The following ENTPD8 variants were observed in gnomAD, a reference collection of about 807,000 sequenced individuals.
ENTPD8 encodes the protein E-NTPDase 8.
Under a neutral mutation model 47.0 loss-of-function variants are expected in ENTPD8, and 35 were observed. That is an observed-to-expected ratio of 0.75 (90% CI 0.57 to 0.99). ENTPD8 has a LOEUF of 0.99. Among genes scored for constraint, ENTPD8 ranks in the 50% least tolerant of loss-of-function variants. The probability of loss-of-function intolerance (pLI) is 0.00; values close to 1 mark genes in which losing one functional copy is unlikely to be tolerated. For synonymous variants in ENTPD8, 308 were observed against 290.5 expected, an observed-to-expected ratio of 1.06 and a Z score of -0.61; for missense variants, 668 against 649.9, an observed-to-expected ratio of 1.03 and a Z score of -0.30.
rs1442846911 is a variant in ENTPD8, at chr9:137,434,955, C to A, written c.1447G>T (p.Val483Leu). The change falls in exon 10 of 10, where the codon GTG (valine) becomes TTG (leucine). Residue 483 changes from valine to leucine, a missense_variant. Coordinates refer to ENST00000371506, the MANE Select transcript of ENTPD8 (RefSeq NM_001033113.2). ...VFMVLALVAVVGAALVQLFWL... is the reference protein window; with the variant it reads ...VFMVLALVAVLGAALVQLFWL... ...AAGAGCTGGACCAAGGCAGCCCCCA[C>A]CACCGCCACCAGGGCCAGCACCATG... 6.2e-6 allele frequency: 10 copies of A among 1,612,580 alleles called. No homozygotes were observed. Among genetic ancestry groups the A allele is most frequent in the Non-Finnish European group, 8.5e-6 (10 of 1,179,756 alleles).
rs746607178 is a variant in ENTPD8, at chr9:137,435,869, A to G, written c.1051-40T>C. On this transcript the variant is annotated intron_variant, in intron 7 of 9. Transcript: ENST00000371506. ...AGGTGGCTGTGCCTTCGCTGTGGCC[A>G]CGCTGGGCCAGATCCACCCCACCCG... is the stretch of plus-strand genomic sequence containing the variant. 8 of 1,606,880 alleles carry G rather than the reference A, an allele frequency of 5.0e-6. No homozygotes were observed. In the Admixed American group the frequency reaches 1.3e-4, roughly 27 times the overall value.
rs771520069 is a variant in ENTPD8, at chr9:137,436,318, C to T, written c.787-42G>A. Reference sequence around the variant, plus strand: ...GGCCTGAGCACCAGCCGCACACCTGCGGCCCTGTGCCCCTCCCCGGGGCCG... The same window carrying T: ...GGCCTGAGCACCAGCCGCACACCTGTGGCCCTGTGCCCCTCCCCGGGGCCG... On this transcript the variant is annotated intron_variant, in intron 6 of 9. Transcript: ENST00000371506. 8.6e-6 allele frequency: 13 copies of T among 1,506,082 alleles called. No individual in the cohort carries two copies. In the African/African-American group the frequency reaches 1.4e-4, roughly 16 times the overall value. The allele number at this position is 1,506,082 out of a possible 1,614,324, so 93.3% of individuals were successfully genotyped here.
At position 137,436,220 on chromosome 9, in the gene ENTPD8, T is replaced by C. The variant is rs777501571; in HGVS notation, c.843A>G (p.Thr281=). 3.0e-5 allele frequency: 48 copies of C among 1,610,134 alleles called. No individual in the cohort carries two copies. The South Asian group carries it at 4.3e-4, about 14-fold the overall frequency. The change falls in exon 7 of 10, where the codon ACA becomes ACG. Residue 281 remains threonine (T), a synonymous_variant. Coordinates refer to ENST00000371506, the MANE Select transcript of ENTPD8 (RefSeq NM_001033113.2). The part of the protein sequence containing the change: ...HPCYLSGYQT[T]LALGPLYESP... ...ACTCATACAGCGGGCCCAGGGCCAG[T>C]GTGGTCTGGTAGCCGCTGAGGTAGC... is the stretch of plus-strand genomic sequence containing the variant.
In ENTPD8 at chr9:137,436,535, C is replaced by G. The variant is rs201775053; in HGVS notation, c.772G>C (p.Val258Leu). ...GRDQMLSRLLVGLVQSRPAAL... is the reference protein window; with the variant it reads ...GRDQMLSRLLLGLVQSRPAAL... ...GGCCAGCTGACCTGTACCAGCCCCA[C>G]GAGGAGCCTGCTCAGCATCTGGTCC... The change falls in exon 6 of 10, where the codon GTG becomes CTG. Residue 258 changes from valine (V) to leucine (L), a missense_variant. Val to Leu is a conservative substitution (Grantham distance 32, BLOSUM62 1). Transcript: ENST00000371506. The G allele has an allele frequency of 4.9e-5, 79 of 1,609,034 alleles. No individual in the cohort carries two copies. Among genetic ancestry groups the G allele is most frequent in the Non-Finnish European group, 6.4e-5 (75 of 1,178,652 alleles).
In ENTPD8 at chr9:137,436,895, T is replaced by C; in HGVS notation, c.529A>G (p.Asn177Asp). The C allele has an allele frequency of 6.2e-7, 1 of 1,612,990 alleles. No individual in the cohort carries two copies. Among genetic ancestry groups the C allele is most frequent in the African/African-American group, 1.3e-5 (1 of 75,060 alleles). The change falls in exon 5 of 10, where the codon AAC (asparagine) becomes GAC (aspartate). Residue 177 changes from asparagine to aspartate, a missense_variant. By Grantham distance (23) the Asn-to-Asp change is conservative. Transcript: ENST00000371506. ...AEGAFGWITV[N>D]YGLGTLVKYS... Reference sequence around the variant, plus strand: ...TTGACCAGCGTCCCCAAGCCGTAGTTGACAGTGATCCAACCAAAGGCACCT... The same window carrying C: ...TTGACCAGCGTCCCCAAGCCGTAGTCGACAGTGATCCAACCAAAGGCACCT...
At chr9:137,435,179 G>C in intron 9 of ENTPD8, 25 bp downstream of exon 9, 1 of 1,605,114 alleles carries the variant, frequency 6.2e-7, no homozygotes, top group Non-Finnish European at 8.5e-7. Context: ...CCCACGCCCC[G>C]CCCACGCCCA....
Position 137,438,983 on chromosome 9 carries a change from G to T in ENTPD8, c.-20-678C>A, listed in dbSNP as rs1472819875. Among the ~76,000 whole-genome samples the T allele has an allele frequency of 6.6e-6, 1 of 152,162 alleles. No homozygotes were observed. The highest frequency in any genetic ancestry group is 6.5e-5 in the Admixed American group (1 of 15,292). On this transcript the variant is annotated intron_variant, in intron 1 of 9. Coordinates refer to ENST00000371506, the MANE Select transcript of ENTPD8 (RefSeq NM_001033113.2). This position sits in a 1 kb window ranked among gnomAD's most constrained non-coding sequence, Gnocchi z 5.7. ...CCCAGGGCTCTGCCTCCTCTCTGCG[G>T]CCCCCACCCCAGGCACTCCTAGGGT...
At chr9:137,439,383 C>T (rs755396621) in intron 1 of ENTPD8, among the ~76,000 whole-genome samples, 8 of 152,140 alleles carry the variant, frequency 5.3e-5, no homozygotes, top group Non-Finnish European at 1.0e-4. Context: ...GTGGTCAAAG[C>T]CAGAGGCTGC....
At position 137,438,079 on chromosome 9, in the gene ENTPD8, C is replaced by G; in HGVS notation, c.132G>C (p.Gly44=). The change falls in exon 3 of 10, where the codon GGG becomes GGC. Residue 44 remains glycine (G), a synonymous_variant. Transcript: ENST00000371506. The surrounding 1 kb of genome is among the most constrained non-coding windows in gnomAD (Gnocchi z 5.7). Reference sequence around the variant, plus strand: ...GGGAGGAGCCCGCATCAAACACGATCCCAAACTGGGGAGACAGTGGGATGA... The same window carrying G: ...GGGAGGAGCCCGCATCAAACACGATGCCAAACTGGGGAGACAGTGGGATGA... ...SVLLPTDIKF[G]IVFDAGSSHT... The G allele has an allele frequency of 6.2e-7, 1 of 1,612,824 alleles. No homozygotes were observed. The highest frequency in any genetic ancestry group is 1.1e-5 in the South Asian group (1 of 91,072).
chr9:137,435,715 C>T lies in ENTPD8; in HGVS notation c.1161+4G>A. On this transcript the variant is annotated splice_donor_region_variant and intron_variant, in intron 8 of 9. Transcript: ENST00000371506. The stretch of plus-strand genomic sequence containing the variant: ...TGCAGCCAGGGAGCCCAGGGCCCAC[C>T]CACCAGTTTCCAGGGCCTCTGGCAA... The T allele has an allele frequency of 6.2e-7, 1 of 1,611,576 alleles. No homozygotes were observed. Among genetic ancestry groups the T allele is most frequent in the Non-Finnish European group, 8.5e-7 (1 of 1,178,660 alleles).
rs1839380389 is a variant in ENTPD8, at chr9:137,436,896, G to A, written c.528C>T (p.Val176=). Residue 176 remains valine (V), a synonymous_variant, in exon 5 of 10, where the codon GTC becomes GTT. Transcript: ENST00000371506. The part of the protein sequence containing the change: ...QAEGAFGWIT[V]NYGLGTLVKY... ...TGACCAGCGTCCCCAAGCCGTAGTTGACAGTGATCCAACCAAAGGCACCTT... is the reference window on the plus strand; with the variant it reads ...TGACCAGCGTCCCCAAGCCGTAGTTAACAGTGATCCAACCAAAGGCACCTT... 6.2e-7 allele frequency: 1 copy of A among 1,612,906 alleles called. No homozygotes were observed.
In ENTPD8 at chr9:137,435,275, T is replaced by G. The variant is rs771117470; in HGVS notation, c.1225A>C (p.Ile409Leu). 7.4e-5 allele frequency: 119 copies of G among 1,612,402 alleles called. No individual in the cohort carries two copies. Among genetic ancestry groups the G allele is most frequent in the Non-Finnish European group, 1.3e-5 (15 of 1,179,890 alleles). ...LRDYCASGLY[I>L]LTLLHEGYGF... ...TAGCCCTCGTGCAGGAGGGTGAGGA[T>G]GTACAGGCCTGAGGCACAGTAGTCC... is the stretch of plus-strand genomic sequence containing the variant. Residue 409 changes from isoleucine (I) to leucine (L), a missense_variant, in exon 9 of 10, where the codon ATC becomes CTC. Physicochemically the swap from Ile to Leu is conservative, Grantham distance 5. Coordinates refer to ENST00000371506, the MANE Select transcript of ENTPD8 (RefSeq NM_001033113.2).
Position 137,436,432 on chromosome 9 carries a change from C to A in ENTPD8, c.786+89G>T, listed in dbSNP as rs114856175. The A allele has an allele frequency of 1.4e-4, 183 of 1,348,562 alleles. 1 individual carries two copies. Among genetic ancestry groups the A allele is most frequent in the Non-Finnish European group, 1.8e-4 (180 of 985,636 alleles). 83.5% of individuals were successfully genotyped at this position (1,348,562 alleles called of 1,614,324 possible). On this transcript the variant is annotated intron_variant, in intron 6 of 9. Transcript: ENST00000371506. Reference sequence around the variant, plus strand: ...CCAGCCCCGCGCCCATACCCTGTGCCCCCTCCCCGGGGCCGGATGACCCAC... The same window carrying A: ...CCAGCCCCGCGCCCATACCCTGTGCACCCTCCCCGGGGCCGGATGACCCAC...
rs1839328560 is a variant in ENTPD8, at chr9:137,435,760, T to C, written c.1120A>G (p.Asn374Asp). The part of the protein sequence containing the change: ...LTSRQPLSTV[N>D]ATIWEFCQRP... The stretch of plus-strand genomic sequence containing the variant: ...TGGCAAAACTCCCAGATGGTGGCGT[T>C]GACCGTGCTCAGGGGCTGCCTGGAG... Residue 374 changes from asparagine (N) to aspartate (D), a missense_variant, in exon 8 of 10, where the codon AAC becomes GAC. Transcript: ENST00000371506. 6.2e-7 allele frequency: 1 copy of C among 1,613,506 alleles called. No individual in the cohort carries two copies. The highest frequency in any genetic ancestry group is 8.5e-7 in the Non-Finnish European group (1 of 1,179,886).
In ENTPD8 at chr9:137,436,749, G is replaced by A. The variant is rs1839374535; in HGVS notation, c.558C>T (p.Tyr186=). The change falls in exon 6 of 10, where the codon TAC becomes TAT. Residue 186 remains tyrosine (Y), a splice_region_variant and synonymous_variant. Coordinates refer to ENST00000371506, the MANE Select transcript of ENTPD8 (RefSeq NM_001033113.2). The stretch of plus-strand genomic sequence containing the variant: ...GCTGGATCCATTCTCCAGTGAAGGA[G>A]TACTGGGCACAGAAGGGGCCACTCA... ...VNYGLGTLVK[Y]SFTGEWIQPP... 3 of 1,604,948 alleles carry A rather than the reference G, an allele frequency of 1.9e-6. No homozygotes were observed. The highest frequency in any genetic ancestry group is 4.5e-5 in the East Asian group (2 of 44,576).
Position 137,434,832 on chromosome 9 carries a change from C to A in ENTPD8, c.*82G>T. On this transcript the variant is annotated 3_prime_UTR_variant, in exon 10 of 10. Coordinates refer to ENST00000371506, the MANE Select transcript of ENTPD8 (RefSeq NM_001033113.2). ...GGCAGAGCCACAGAGCAAGGCCCCA[C>A]GGCGCTCAGGGCTCAGGAAGCCTCC... 6.9e-7 allele frequency: 1 copy of A among 1,451,194 alleles called. No homozygotes were observed. The highest frequency in any genetic ancestry group is 1.4e-5 in the South Asian group (1 of 71,436). 89.9% of individuals were successfully genotyped at this position (1,451,194 alleles called of 1,614,324 possible). A position where few individuals can be genotyped will look rare whatever the true frequency, so the allele number is the denominator to read the frequency against.
At position 137,436,171 on chromosome 9, in the gene ENTPD8, G is replaced by C; in HGVS notation, c.892C>G (p.Pro298Ala). 6.2e-7 allele frequency: 1 copy of C among 1,612,934 alleles called. No individual in the cohort carries two copies. Among genetic ancestry groups the C allele is most frequent in the Non-Finnish European group, 8.5e-7 (1 of 1,179,978 alleles). Residue 298 changes from proline (P) to alanine (A), a missense_variant, in exon 7 of 10, where the codon CCG becomes GCG. Coordinates refer to ENST00000371506, the MANE Select transcript of ENTPD8 (RefSeq NM_001033113.2). ...YESPCVHATP[P>A]LSLPQNLTVE... The stretch of plus-strand genomic sequence containing the variant: ...GTGAGGTTCTGGGGGAGGCTCAGCG[G>C]GGGCGTGGCGTGGACACAGGGTGAC...
chr9:137,436,980 C>T lies in ENTPD8; in HGVS notation c.444G>A (p.Gln148=), dbSNP rs750068355. The change falls in exon 5 of 10, where the codon CAG becomes CAA. Residue 148 remains glutamine, a synonymous_variant. Transcript: ENST00000371506. ...QARDIFAAVT[Q]VLGRSPVDFW... ...AGTCCACGGGAGACCGGCCCAGGACCTGGGTGACTGCTGCAAAGATGTCCC... is the reference window on the plus strand; with the variant it reads ...AGTCCACGGGAGACCGGCCCAGGACTTGGGTGACTGCTGCAAAGATGTCCC... The T allele has an allele frequency of 3.1e-6, 5 of 1,612,980 alleles. No homozygotes were observed. In the South Asian group the frequency reaches 5.5e-5, roughly 18 times the overall value.
Position 137,435,718 on chromosome 9 carries a change from C to T in ENTPD8, c.1161+1G>A, listed in dbSNP as rs776416361. On this transcript the variant is annotated splice_donor_variant, in intron 8 of 9. Transcript: ENST00000371506. LOFTEE classifies it high-confidence loss of function. Reference sequence around the variant, plus strand: ...AGCCAGGGAGCCCAGGGCCCACCCACCAGTTTCCAGGGCCTCTGGCAAAAC... The same window carrying T: ...AGCCAGGGAGCCCAGGGCCCACCCATCAGTTTCCAGGGCCTCTGGCAAAAC... 6.2e-7 allele frequency: 1 copy of T among 1,612,238 alleles called. No homozygotes were observed. Among genetic ancestry groups the T allele is most frequent in the Non-Finnish European group, 8.5e-7 (1 of 1,179,166 alleles).
Sources: gnomAD v4.1 joint callset for allele counts (sites outside exome capture counted in the v4.1 genomes callset) on GRCh38, gnomAD v4.1.1 for gene constraint, Gnocchi (gnomAD v3.1) non-coding constraint, MANE v1.5 for transcripts, NCBI Gene and HGNC (gene_info 2026-07-23, HGNC 2026-07-21) for gene names.